PCNX1: variants seen among roughly 807,000 people sequenced by gnomAD.
The protein encoded by PCNX1 is pecanex-like protein 1.
A neutral mutation model predicts 242.2 loss-of-function variants in PCNX1; 78 were observed. That is an observed-to-expected ratio of 0.32 (90% CI 0.27 to 0.39). The LOEUF is 0.39. Ranked by LOEUF, PCNX1 falls within the 10% of genes least tolerant of loss-of-function variation. The pLI is 1.00. For missense variants in PCNX1, 2,581 were observed against 2,856.5 expected, an observed-to-expected ratio of 0.90 and a Z score of 2.20; for synonymous variants, 1,024 against 1,032.9, an observed-to-expected ratio of 0.99 and a Z score of 0.17.
chr14:70,983,457 A>G (rs1281014257), intron 6 of PCNX1, among the ~76,000 whole-genome samples: 2 of 152,122 alleles, frequency 1.3e-5, no homozygotes, highest in Non-Finnish European at 2.9e-5. Context: ...GGTGCCCGCC[A>G]CGACACCCGG....
chr14:70,993,008 G>A (rs2059214062), intron 7 of PCNX1, among the ~76,000 whole-genome samples: 1 of 151,874 alleles, frequency 6.6e-6, no homozygotes, highest in Non-Finnish European at 1.5e-5. Context: ...AAATAATTGG[G>A]AAACTAGTAA....
intron 5 of PCNX1, among the ~76,000 whole-genome samples, chr14:70,972,569 T>G (rs2058572881): frequency 6.6e-6 from 1 of 152,176 alleles, no homozygotes; most frequent in Non-Finnish European, 1.5e-5. Flanking sequence ...CGCCACCTAG[T>G]GGCAAATGTT....
intron 30 of PCNX1, among the ~76,000 whole-genome samples, chr14:71,094,061 GGCACCCCAACCCCT>G (rs2062208106): frequency 6.6e-6 from 1 of 152,120 alleles, no homozygotes; most frequent in Non-Finnish European, 1.5e-5. Flanking sequence ...CATAGGGATA[GGCACCCCAACCCCT>G]GCATTATTCC....
At position 71,009,718 on chromosome 14, in the gene PCNX1, A is replaced by C. The variant is rs776376665; in HGVS notation, c.2714A>C (p.Asn905Thr). The C allele has an allele frequency of 6.3e-7, 1 of 1,581,066 alleles. No individual in the cohort carries two copies. Among genetic ancestry groups the C allele is most frequent in the South Asian group, 1.1e-5 (1 of 89,030 alleles). Residue 905 changes from asparagine (N) to threonine (T), a missense_variant, in exon 9 of 36, where the codon AAT becomes ACT. Physicochemically the swap from Asn to Thr is moderately conservative, Grantham distance 65. Coordinates refer to ENST00000304743, the MANE Select transcript of PCNX1 (RefSeq NM_014982.3). Reference sequence around the variant, plus strand: ...GAACCAGCAGCAAGAAGAGCATCCAATATCTGGTATGTGTGAAGTCATATT... The same window carrying C: ...GAACCAGCAGCAAGAAGAGCATCCACTATCTGGTATGTGTGAAGTCATATT... Reference protein sequence around the residue: ...NFEPAARRASNICDTDSHVSS... With the variant: ...NFEPAARRASTICDTDSHVSS...
intron 5 of PCNX1, among the ~76,000 whole-genome samples, chr14:70,975,745 A>G (rs942984835): frequency 7.2e-5 from 11 of 152,032 alleles, no homozygotes; most frequent in Non-Finnish European, 8.8e-5. Context: ...ATATTCCAAG[A>G]TAAATTACAA....
At chr14:71,088,120 T>A (rs2062039069) in intron 28 of PCNX1, among the ~76,000 whole-genome samples, 1 of 152,168 alleles carries the variant, frequency 6.6e-6, no homozygotes, top group African/African-American at 2.4e-5. Context: ...GTTCCGTTAT[T>A]ATGAAATTTT....
chr14:70,955,455 G>T (rs1001767722), intron 2 of PCNX1, among the ~76,000 whole-genome samples: 3 of 152,200 alleles, frequency 2.0e-5, no homozygotes, highest in African/African-American at 7.2e-5. Context: ...ATCAAAGCCT[G>T]AGAGCATGAG....
chr14:71,090,729 TTC>T (rs1176760670), intron 30 of PCNX1, among the ~76,000 whole-genome samples: 6 of 152,232 alleles, frequency 3.9e-5, no homozygotes, highest in Non-Finnish European at 7.4e-5. Flanking sequence ...ATAAGAAATA[TTC>T]TCTTTCATAT....
chr14:70,935,371 A>C (rs992171879), intron 1 of PCNX1, among the ~76,000 whole-genome samples: 4 of 152,136 alleles, frequency 2.6e-5, no homozygotes, highest in Non-Finnish European at 4.4e-5. Context: ...ACATAGCGAG[A>C]CACTGTCCCT....
At chr14:70,999,051 A>G (rs1407427253) in intron 8 of PCNX1, among the ~76,000 whole-genome samples, 1 of 152,208 alleles carries the variant, frequency 6.6e-6, no homozygotes, top group Non-Finnish European at 1.5e-5. Context: ...TTAAACTACA[A>G]AAATTCTAAA....
rs376121265 is a variant in PCNX1, at chr14:71,086,024, G to C, written c.5338-2306G>C. 5.3e-4 allele frequency among the ~76,000 whole-genome samples: 81 copies of C among 152,164 alleles called. 1 individual carries two copies. In the South Asian group the frequency reaches 0.015, roughly 28 times the overall value. On this transcript the variant is annotated intron_variant, in intron 28 of 35. Transcript: ENST00000304743. ...TTTATTTTCAGTCTTTTTTCTCTCT[G>C]TATTTCATTTTGCATAGTTTCTCTT... is the stretch of plus-strand genomic sequence containing the variant.
At chr14:71,073,883 AC>A (rs1179699027) in intron 27 of PCNX1, 85 bp downstream of exon 27, 3 of 932,196 alleles carry the variant, frequency 3.2e-6, no homozygotes, top group Middle Eastern at 3.8e-4. Flanking sequence ...ATATGTATAT[AC>A]TTTTTTTTAA....
At chr14:70,975,378 A>G (rs1292295385) in intron 5 of PCNX1, among the ~76,000 whole-genome samples, 2 of 152,228 alleles carry the variant, frequency 1.3e-5, no homozygotes, top group African/African-American at 4.8e-5. Flanking sequence ...AAAATGTAAA[A>G]TAAAGTGTAA....
chr14:70,945,278 T>C (rs2057412125), intron 1 of PCNX1, among the ~76,000 whole-genome samples: 1 of 152,218 alleles, frequency 6.6e-6, no homozygotes, highest in African/African-American at 2.4e-5. Context: ...TTTCACAATA[T>C]CATACAGGTA....
intron 28 of PCNX1, among the ~76,000 whole-genome samples, chr14:71,084,972 A>G (rs2061947715): frequency 2.0e-5 from 3 of 152,136 alleles, no homozygotes; most frequent in South Asian, 2.1e-4. Context: ...CCCTGGTGGT[A>G]TAGGCACGCG....
chr14:71,104,810 C>T (rs1378020899), intron 32 of PCNX1, among the ~76,000 whole-genome samples: 1 of 152,100 alleles, frequency 6.6e-6, no homozygotes, highest in African/African-American at 2.4e-5. Context: ...GCCTGTAGTC[C>T]CAGCTACTCA....
chr14:71,045,033 G>A (rs939924298), intron 19 of PCNX1, 100 bp from the exon 20 acceptor site: 32 of 753,390 alleles, frequency 4.2e-5, no homozygotes, highest in South Asian at 4.1e-4. Context: ...TAAAATGGAC[G>A]TTGTCCATTA....
intron 1 of PCNX1, among the ~76,000 whole-genome samples, chr14:70,942,397 T>C (rs1234657649): frequency 2.0e-5 from 3 of 152,208 alleles, no homozygotes; most frequent in African/African-American, 7.2e-5. Context: ...ATCTGACAAA[T>C]GTTTGCAAGT....
chr14:71,101,827 TA>T (rs1442193571), intron 30 of PCNX1, among the ~76,000 whole-genome samples, 162 bp from the exon 31 acceptor site: 1 of 152,212 alleles, frequency 6.6e-6, no homozygotes, highest in Non-Finnish European at 1.5e-5. Flanking sequence ...AGCTACTTCC[TA>T]ACCCAGTTAT....
Sources: allele counts gnomAD v4.1 joint callset (sites outside exome capture counted in the v4.1 genomes callset), GRCh38; gene constraint gnomAD v4.1.1; transcripts MANE v1.5; gene names NCBI Gene and HGNC (gene_info 2026-07-23, HGNC 2026-07-21).